The following AK5 variants were observed in gnomAD, a reference collection of about 807,000 sequenced individuals.
AK5 encodes the protein adenylate kinase isoenzyme 5.
In AK5, 27 loss-of-function variants were observed where a neutral mutation model predicts 69.5. The observed-to-expected ratio is 0.39, with a 90% CI of 0.29 to 0.54. The LOEUF is 0.54. Ranked by LOEUF, AK5 falls within the 20% of genes least tolerant of loss-of-function variation. AK5 has a pLI of 0.71. For missense variants in AK5, 531 were observed against 700.4 expected, an observed-to-expected ratio of 0.76 and a Z score of 2.73; for synonymous variants, 260 against 244.4, an observed-to-expected ratio of 1.06 and a Z score of -0.60.
chr1:77,551,309 C>T lies in AK5; in HGVS notation c.1621-7293C>T, dbSNP rs187046851. Reference sequence around the variant, plus strand: ...TATTCTCAGAACTTGGCATCTTGGTCCTAAGGAGGATCCCAGATAACTTCA... The same window carrying T: ...TATTCTCAGAACTTGGCATCTTGGTTCTAAGGAGGATCCCAGATAACTTCA... On this transcript the variant is annotated intron_variant, in intron 13 of 13. Transcript: ENST00000354567. Among the ~76,000 whole-genome samples, 154 of 152,190 alleles carry T rather than the reference C, an allele frequency of 1.0e-3. 1 individual carries two copies. Among genetic ancestry groups the T allele is most frequent in the African/African-American group, 3.6e-3 (148 of 41,544 alleles).
intron 10 of AK5, among the ~76,000 whole-genome samples, chr1:77,500,144 G>T (rs1656625023): frequency 6.6e-6 from 1 of 151,764 alleles, no homozygotes; most frequent in Non-Finnish European, 1.5e-5. Context: ...AAACAATGAG[G>T]CATGGCTATT....
chr1:77,286,385 G>T (rs1658352462), intron 1 of AK5, among the ~76,000 whole-genome samples: 1 of 149,310 alleles, frequency 6.7e-6, no homozygotes, highest in Admixed American at 6.8e-5. Context: ...TGCCTGAATT[G>T]CTTAAGAGGC....
In AK5 at chr1:77,545,844, C is replaced by T. The variant is rs1364635363; in HGVS notation, c.1620+9806C>T. ...AAACCTAGATTTAGATACAGCCCTC[C>T]CTCCTGCTGGTGCAGTGAAGAGAAA... On this transcript the variant is annotated intron_variant, in intron 13 of 13. Transcript: ENST00000354567. 2.0e-5 allele frequency among the ~76,000 whole-genome samples: 3 copies of T among 152,148 alleles called. No individual in the cohort carries two copies. The South Asian group carries it at 6.2e-4, about 32-fold the overall frequency.
intron 6 of AK5, among the ~76,000 whole-genome samples, chr1:77,364,277 G>A (rs1333206179): frequency 6.6e-6 from 1 of 151,814 alleles, no homozygotes; most frequent in Admixed American, 6.6e-5. Context: ...CATATTTATG[G>A]GGCACATAGT....
At chr1:77,444,363 GTATAAA>G (rs1381923774) in intron 8 of AK5, among the ~76,000 whole-genome samples, 1 of 38,416 alleles carries the variant, frequency 2.6e-5, no homozygotes, top group East Asian at 7.3e-4. Flanking sequence ...TGTATATATA[GTATAAA>G]TATATACTAT....
At chr1:77,469,896 A>G (rs1221113574) in intron 8 of AK5, among the ~76,000 whole-genome samples, 1 of 152,238 alleles carries the variant, frequency 6.6e-6, no homozygotes, top group Non-Finnish European at 1.5e-5. Context: ...TCTGGATGTG[A>G]GGATCTACAA....
rs929799705 is a variant in AK5, at chr1:77,559,560, C to G, written c.*890C>G. ...GGTCACCCATGTATTTATTTGTTGC[C>G]AAGCAAGTAAAAAAATACCCTAACA... On this transcript the variant is annotated 3_prime_UTR_variant, in exon 14 of 14. Transcript: ENST00000354567. 1.3e-5 allele frequency: 2 copies of G among 152,044 alleles called. No homozygotes were observed. Among genetic ancestry groups the G allele is most frequent in the Non-Finnish European group, 2.9e-5 (2 of 68,018 alleles). 9.4% of individuals were successfully genotyped at this position (152,044 alleles called of 1,614,324 possible).
At chr1:77,426,356 T>C (rs1651208437) in intron 8 of AK5, among the ~76,000 whole-genome samples, 1 of 152,152 alleles carries the variant, frequency 6.6e-6, no homozygotes, top group Non-Finnish European at 1.5e-5. Flanking sequence ...GAGCAGAATT[T>C]AGAGGAAGGA....
At chr1:77,288,822 GTC>G (rs1658512090) in intron 2 of AK5, among the ~76,000 whole-genome samples, 1 of 152,126 alleles carries the variant, frequency 6.6e-6, no homozygotes, top group African/African-American at 2.4e-5. Context: ...AGCATTCTGA[GTC>G]TTAGAGAGCA....
chr1:77,487,719 G>A (rs1570243092), intron 10 of AK5, among the ~76,000 whole-genome samples: 1 of 152,186 alleles, frequency 6.6e-6, no homozygotes, highest in Admixed American at 6.5e-5. Context: ...GTATCAGGGA[G>A]AGGACCAGGG....
In AK5 at chr1:77,376,446, A is replaced by C. The variant is rs564311199; in HGVS notation, c.892-34535A>C. 2.9e-3 allele frequency among the ~76,000 whole-genome samples: 215 copies of C among 74,984 alleles called. 2 individuals carry two copies. Among genetic ancestry groups the C allele is most frequent in the African/African-American group, 9.7e-3 (201 of 20,750 alleles). The allele number at this position is 74,984 out of a possible 152,430, so 49.2% of individuals were successfully genotyped here. ...TGCACTCAATGCCAAAAAAAAAAAAAAAAACAAAAAAAAAAAACATGTCTT... is the reference window on the plus strand; with the variant it reads ...TGCACTCAATGCCAAAAAAAAAAAACAAAACAAAAAAAAAAAACATGTCTT... On this transcript the variant is annotated intron_variant, in intron 6 of 13. Coordinates refer to ENST00000354567, the MANE Select transcript of AK5 (RefSeq NM_174858.3).
At chr1:77,554,762 T>C (rs61777089) in intron 13 of AK5, among the ~76,000 whole-genome samples, 3,736 of 139,944 alleles carry the variant, frequency 0.027, 46 homozygotes, top group Middle Eastern at 0.077. Context: ...CCCGCCACCA[T>C]GCCCGGCTAT....
intron 12 of AK5, chr1:77,531,985 GCCAT>G (rs963335618): frequency 3.5e-5 from 4 of 113,774 alleles, no homozygotes; most frequent in Middle Eastern, 4.5e-3. Context: ...ACTGCCTGCG[GCCAT>G]CCGGCCGGCC....
intron 6 of AK5, among the ~76,000 whole-genome samples, chr1:77,359,725 C>G (rs950374678): frequency 6.6e-6 from 1 of 152,244 alleles, no homozygotes; most frequent in East Asian, 1.9e-4. Flanking sequence ...ATAACTTATT[C>G]GAACTTTTTA....
At chr1:77,509,940 A>G (rs879579351) in intron 10 of AK5, among the ~76,000 whole-genome samples, 4 of 152,334 alleles carry the variant, frequency 2.6e-5, no homozygotes, top group Admixed American at 2.6e-4. Context: ...ATTCACATGC[A>G]TTATTTTGTC....
chr1:77,372,423 A>G (rs1457830215), intron 6 of AK5, among the ~76,000 whole-genome samples: 2 of 152,218 alleles, frequency 1.3e-5, no homozygotes, highest in Admixed American at 6.5e-5. Context: ...AACAGTTATT[A>G]CATTTCAACA....
At chr1:77,297,219 C>T (rs2100243034) in intron 3 of AK5, among the ~76,000 whole-genome samples, 1 of 152,170 alleles carries the variant, frequency 6.6e-6, no homozygotes. Flanking sequence ...ACAGATTTTT[C>T]TTTGATTACA....
intron 13 of AK5, among the ~76,000 whole-genome samples, chr1:77,554,139 A>G (rs1659955674): frequency 6.6e-6 from 1 of 152,100 alleles, no homozygotes; most frequent in South Asian, 2.1e-4. Context: ...CTATTTTTCC[A>G]GCTTCCTCTT....
chr1:77,391,453 G>GTA lies in AK5; in HGVS notation c.892-19517_892-19516dup, dbSNP rs559412062. Among the ~76,000 whole-genome samples the GTA allele has an allele frequency of 7.4e-4, 91 of 122,758 alleles. 1 individual carries two copies. The highest frequency in any genetic ancestry group is 2.4e-3 in the South Asian group (9 of 3,754). 80.5% of individuals were successfully genotyped at this position (122,758 alleles called of 152,430 possible). ...TATACATATATACATATATGTGTGTGTATATATATATACACATATGTGTGT... is the reference window on the plus strand; with the variant it reads ...TATACATATATACATATATGTGTGTGTATATATATATATACACATATGTGTGT... On this transcript the variant is annotated intron_variant, in intron 6 of 13. Transcript: ENST00000354567.
Sources: allele counts gnomAD v4.1 joint callset (sites outside exome capture counted in the v4.1 genomes callset), GRCh38; gene constraint gnomAD v4.1.1; transcripts MANE v1.5; gene names NCBI Gene and HGNC (gene_info 2026-07-23, HGNC 2026-07-21).